Variants in PHACTR1 observed in about 807,000 individuals in gnomAD.
PHACTR1 encodes the protein RPEL repeat containing 1.
In PHACTR1, 16 loss-of-function variants were observed where a neutral mutation model predicts 69.2. The observed-to-expected ratio is 0.23, with a 90% CI of 0.16 to 0.35. The LOEUF (loss-of-function observed/expected upper bound fraction) is 0.35, where lower values mean the gene tolerates loss of function less well. Among genes scored for constraint, PHACTR1 ranks in the 10% least tolerant of loss-of-function variants. PHACTR1 has a pLI of 1.00. For missense variants in PHACTR1, 510 were observed against 734.7 expected (o/e 0.69, Z 3.54); for synonymous variants, 312 against 284.5 (o/e 1.10, Z -0.97).
chr6:13,145,816 T>C (rs531636248), intron 5 of PHACTR1, among the ~76,000 whole-genome samples: 1 of 152,330 alleles, frequency 6.6e-6, no homozygotes, highest in Admixed American at 6.5e-5. Context: ...TCTTTAAAAC[T>C]GTGAGAAAAC....
At chr6:13,064,979 A>G (rs953672889) in intron 5 of PHACTR1, among the ~76,000 whole-genome samples, 17 of 152,062 alleles carry the variant, frequency 1.1e-4, no homozygotes, top group Admixed American at 2.6e-4. Context: ...TCCATGTTCA[A>G]TTGAGTTCAA....
chr6:12,960,109 G>A (rs1007175804), intron 4 of PHACTR1, among the ~76,000 whole-genome samples: 4 of 152,184 alleles, frequency 2.6e-5, no homozygotes, highest in African/African-American at 9.7e-5. Flanking sequence ...TACCTTTTCA[G>A]TGAGTGACAT....
At chr6:12,886,621 C>T (rs1176654612) in intron 4 of PHACTR1, among the ~76,000 whole-genome samples, 1 of 152,182 alleles carries the variant, frequency 6.6e-6, no homozygotes, top group Non-Finnish European at 1.5e-5. Flanking sequence ...ATTCCCACAT[C>T]AGTGCATGGT....
chr6:13,045,870 A>G (rs1804945806), intron 4 of PHACTR1, among the ~76,000 whole-genome samples: 1 of 152,242 alleles, frequency 6.6e-6, no homozygotes. Flanking sequence ...AGAACTCTGT[A>G]GAAGCCAGAG....
At chr6:13,115,625 C>T (rs917732993) in intron 5 of PHACTR1, among the ~76,000 whole-genome samples, 3 of 152,122 alleles carry the variant, frequency 2.0e-5, no homozygotes, top group Admixed American at 6.6e-5. Flanking sequence ...TATCAAGATG[C>T]GTTTAGTTAC....
rs150272311 is a variant in PHACTR1 at position 13,226,121 on chromosome 6, T to G, written c.987-1695T>G. On this transcript the variant is annotated intron_variant, in intron 8 of 14. Transcript: ENST00000332995. ...TAAGATGCTGCATTTTGTAAATACG[T>G]GATTTAATCCTATTCAGTAGTTGGC... Among the ~76,000 whole-genome samples, 440 of 152,356 alleles carry G rather than the reference T, an allele frequency of 2.9e-3. 2 individuals carry two copies. The highest frequency in any genetic ancestry group is 9.9e-3 in the African/African-American group (412 of 41,588).
intron 4 of PHACTR1, among the ~76,000 whole-genome samples, chr6:13,023,550 G>A (rs554159935): frequency 2.6e-5 from 4 of 152,288 alleles, no homozygotes; most frequent in East Asian, 3.9e-4. Flanking sequence ...AAAAGTTCCC[G>A]TTCTTTCGTT....
chr6:13,123,955 A>G (rs1819128495), intron 5 of PHACTR1, among the ~76,000 whole-genome samples: 1 of 152,176 alleles, frequency 6.6e-6, no homozygotes, highest in Non-Finnish European at 1.5e-5. Context: ...GAAGTCAGAC[A>G]GCCCAAGTCT....
chr6:13,085,329 A>G (rs189178007), intron 5 of PHACTR1, among the ~76,000 whole-genome samples: 1 of 152,156 alleles, frequency 6.6e-6, no homozygotes, highest in East Asian at 1.9e-4. Context: ...AATTAACCAT[A>G]AAAAAAGTAT....
chr6:13,107,626 CTT>C (rs1414025062), intron 5 of PHACTR1, among the ~76,000 whole-genome samples: 1 of 152,112 alleles, frequency 6.6e-6, no homozygotes, highest in Non-Finnish European at 1.5e-5. Flanking sequence ...CTCTTCATCT[CTT>C]GTTAGTTGTT....
At chr6:12,979,919 CT>C (rs1795312571) in intron 4 of PHACTR1, among the ~76,000 whole-genome samples, 1 of 152,122 alleles carries the variant, frequency 6.6e-6, no homozygotes, top group South Asian at 2.1e-4. Flanking sequence ...AGAAGACCTG[CT>C]TTTCACCCAG....
chr6:13,199,396 A>C (rs1016311681), intron 7 of PHACTR1, among the ~76,000 whole-genome samples: 13 of 150,764 alleles, frequency 8.6e-5, no homozygotes, highest in South Asian at 2.1e-4. Context: ...AAAAAAAAAA[A>C]AAAAAAAAAA....
intron 7 of PHACTR1, among the ~76,000 whole-genome samples, chr6:13,198,086 G>A (rs548124740): frequency 3.9e-4 from 60 of 152,286 alleles, no homozygotes; most frequent in African/African-American, 1.2e-3. Context: ...ACCTTTTCCC[G>A]TTGCCCTGAA....
chr6:12,845,420 ACAC>A (rs146245706), intron 4 of PHACTR1, among the ~76,000 whole-genome samples: 746 of 14,132 alleles, frequency 0.053, 53 homozygotes, highest in East Asian at 0.12. Context: ...GTCATTGTGA[ACAC>A]CACCCACCCC....
intron 7 of PHACTR1, among the ~76,000 whole-genome samples, chr6:13,200,443 G>T (rs1739243740): frequency 6.6e-6 from 1 of 152,128 alleles, no homozygotes; most frequent in African/African-American, 2.4e-5. Flanking sequence ...ACCACACCCG[G>T]CCAGGAAGCA....
Position 13,209,008 on chromosome 6 carries a change from G to C in PHACTR1, c.986+2872G>C, listed in dbSNP as rs552167258. On this transcript the variant is annotated intron_variant, in intron 8 of 14. Transcript: ENST00000332995. ...TTCCCACTCGAGGTCAAAGCATAGG[G>C]TTGTCCTAACAGACCAACCAGGCTG... Among the ~76,000 whole-genome samples the C allele has an allele frequency of 1.4e-4, 22 of 152,204 alleles. No individual in the cohort carries two copies. In the South Asian group the frequency reaches 4.4e-3, roughly 30 times the overall value.
intron 4 of PHACTR1, among the ~76,000 whole-genome samples, chr6:12,925,703 G>T (rs1788202005): frequency 6.6e-6 from 1 of 152,140 alleles, no homozygotes. Context: ...TTCCCATCTT[G>T]CAATTTACAC....
chr6:12,723,947 C>A (rs1762462257), intron 3 of PHACTR1, among the ~76,000 whole-genome samples: 1 of 152,206 alleles, frequency 6.6e-6, no homozygotes, highest in Non-Finnish European at 1.5e-5. Flanking sequence ...CAGCATCATG[C>A]AGCTATTCTT....
chr6:13,053,617 T>C, intron 5 of PHACTR1, 88 bp downstream of exon 5: 1 of 1,447,228 alleles, frequency 6.9e-7, no homozygotes, highest in East Asian at 2.5e-5. Context: ...AATAGGCTGT[T>C]TGAACCAAAG....
Sources: allele counts gnomAD v4.1 joint callset (sites outside exome capture counted in the v4.1 genomes callset), GRCh38; gene constraint gnomAD v4.1.1; transcripts MANE v1.5; gene names NCBI Gene and HGNC (gene_info 2026-07-23, HGNC 2026-07-21).